The following CPXM2 variants were observed in gnomAD, a reference collection of about 807,000 sequenced individuals.
CPXM2 encodes the protein carboxypeptidase X, M14 family member 2.
CPXM2 carries 66 observed loss-of-function variants against 86.1 expected under a neutral mutation model. The ratio of observed to expected loss-of-function variants is 0.77; its 90% CI spans 0.63 to 0.94. The LOEUF (loss-of-function observed/expected upper bound fraction) is 0.94. CPXM2 is among the 40% of genes least tolerant of loss of function. CPXM2 has a pLI of 0.00. For synonymous variants in CPXM2, 388 were observed against 400.2 expected (o/e 0.97, Z 0.36); for missense variants, 948 against 1,026.3 (o/e 0.92, Z 1.04).
chr10:123,779,114 C>T (rs1237731), intron 7 of CPXM2, among the ~76,000 whole-genome samples: 6,867 of 152,292 alleles, frequency 0.045, 213 homozygotes, highest in Middle Eastern at 0.11. Context: ...TCCCTTTGAG[C>T]CATGTTAATT....
rs967775399 is a variant in CPXM2, at chr10:123,911,548, G to T, written n.174+27929C>A. Among the ~76,000 whole-genome samples the T allele has an allele frequency of 2.6e-5, 4 of 151,642 alleles. No individual in the cohort carries two copies. In the South Asian group the frequency reaches 8.4e-4, roughly 32 times the overall value. ...AAAGGCAAAACCCACCATTACTTTC[G>T]CACCAACCTAATAGCCAGGTGAAGA... On this transcript the variant is annotated intron_variant and non_coding_transcript_variant, in intron 2 of 19. Transcript: ENST00000368854.
At chr10:123,829,799 C>A (rs1447351128) in intron 4 of CPXM2, among the ~76,000 whole-genome samples, 8 of 152,108 alleles carry the variant, frequency 5.3e-5, no homozygotes, top group African/African-American at 1.7e-4. Flanking sequence ...CCATGTAGTT[C>A]TGGCAAATAA....
At chr10:123,938,378 C>G (rs1945742487) in intron 2 of CPXM2, among the ~76,000 whole-genome samples, 2 of 152,204 alleles carry the variant, frequency 1.3e-5, no homozygotes, top group African/African-American at 2.4e-5. Flanking sequence ...CGGTCTGCAG[C>G]TCAACCATGT....
chr10:123,942,725 A>G (rs1193057247), upstream of CPXM2, among the ~76,000 whole-genome samples: 2 of 152,212 alleles, frequency 1.3e-5, no homozygotes, highest in African/African-American at 2.4e-5. Flanking sequence ...GAGGGCTCTC[A>G]CTATGGAGTA....
chr10:123,814,184 G>T (rs929792626), intron 4 of CPXM2, among the ~76,000 whole-genome samples: 1 of 152,128 alleles, frequency 6.6e-6, no homozygotes, highest in Non-Finnish European at 1.5e-5. Flanking sequence ...TGTCTGTGAG[G>T]GTATTGCCAA....
chr10:123,778,294 C>A (rs986913066), intron 7 of CPXM2, among the ~76,000 whole-genome samples: 1 of 152,220 alleles, frequency 6.6e-6, no homozygotes, highest in African/African-American at 2.4e-5. Flanking sequence ...AGTAACCTAG[C>A]AGACTCCATA....
intron 2 of CPXM2, among the ~76,000 whole-genome samples, chr10:123,874,380 C>CCACACA (rs145634125): frequency 6.6e-6 from 1 of 150,758 alleles, no homozygotes; most frequent in Non-Finnish European, 1.5e-5. Context: ...CCCGCCCCAA[C>CCACACA]CACACACACA....
intron 3 of CPXM2, among the ~76,000 whole-genome samples, chr10:123,854,347 T>TATATATATATAAAAATATATATATATA (rs1564798831): frequency 2.5e-4 from 31 of 124,752 alleles, no homozygotes; most frequent in Middle Eastern, 3.8e-3. Flanking sequence ...AACAAATATA[T>TATATATATATAAAAATATATATATATA]ATATATATAT....
At chr10:123,816,287 G>A (rs1847811976) in intron 4 of CPXM2, among the ~76,000 whole-genome samples, 1 of 152,212 alleles carries the variant, frequency 6.6e-6, no homozygotes. Flanking sequence ...AATTGGCATA[G>A]ACATACTTAG....
intron 2 of CPXM2, among the ~76,000 whole-genome samples, chr10:123,934,753 G>T (rs79139301): frequency 6.6e-6 from 1 of 152,040 alleles, no homozygotes; most frequent in Non-Finnish European, 1.5e-5. Flanking sequence ...CCCACGTAGA[G>T]GGTGTGCAGG....
In CPXM2 at chr10:123,883,447, A is replaced by T. The variant is rs1449980897; in HGVS notation, c.305-3138T>A. 3.3e-5 allele frequency among the ~76,000 whole-genome samples: 5 copies of T among 152,222 alleles called. No homozygotes were observed. In the East Asian group the frequency reaches 9.6e-4, roughly 29 times the overall value. ...CTTCAGTTCCCTCATCAGTGAAAGG[A>T]GAAGGCAACAATACCTGCCACGGTG... is the stretch of plus-strand genomic sequence containing the variant. On this transcript the variant is annotated intron_variant, in intron 1 of 13. Transcript: ENST00000241305.
intron 6 of CPXM2, among the ~76,000 whole-genome samples, chr10:123,784,129 A>G (rs1846998141): frequency 6.6e-6 from 1 of 152,136 alleles, no homozygotes; most frequent in African/African-American, 2.4e-5. Context: ...TTTGAGTTCA[A>G]GTGAAGTCAT....
In CPXM2 at chr10:123,923,567, C is replaced by T. The variant is rs561385762; in HGVS notation, n.174+15910G>A. Among the ~76,000 whole-genome samples the T allele has an allele frequency of 9.4e-5, 14 of 149,310 alleles. No individual in the cohort carries two copies. In the East Asian group the frequency reaches 1.8e-3, roughly 19 times the overall value. Reference sequence around the variant, plus strand: ...CTGCACTCCAGCCTGGGCGACAGAGCGAGACTCCGTCTCAAAAAAAAAAAA... The same window carrying T: ...CTGCACTCCAGCCTGGGCGACAGAGTGAGACTCCGTCTCAAAAAAAAAAAA... On this transcript the variant is annotated intron_variant and non_coding_transcript_variant, in intron 2 of 19. Coordinates refer to the CPXM2 transcript ENST00000368854.
In CPXM2 at chr10:123,762,868, T is replaced by C. The variant is rs1846377692; in HGVS notation, c.1480-699A>G. 2.0e-5 allele frequency among the ~76,000 whole-genome samples: 3 copies of C among 152,306 alleles called. No individual in the cohort carries two copies. In the South Asian group the frequency reaches 6.2e-4, roughly 32 times the overall value. Reference sequence around the variant, plus strand: ...AATCGACAATGACAAAGAACAGATATTGGAAATCATTTCACCATGCAGTAC... The same window carrying C: ...AATCGACAATGACAAAGAACAGATACTGGAAATCATTTCACCATGCAGTAC... On this transcript the variant is annotated intron_variant, in intron 10 of 13. Transcript: ENST00000241305.
chr10:123,795,343 A>G (rs978221638), intron 6 of CPXM2, among the ~76,000 whole-genome samples: 3 of 152,082 alleles, frequency 2.0e-5, no homozygotes, highest in African/African-American at 4.8e-5. Context: ...AACATTATGC[A>G]TAGAGTCTTA....
chr10:123,783,519 C>A (rs766399524), intron 6 of CPXM2, among the ~76,000 whole-genome samples: 10 of 152,208 alleles, frequency 6.6e-5, no homozygotes, highest in Non-Finnish European at 1.3e-4. Flanking sequence ...ACAGAGCTTG[C>A]AGGAGCACAG....
chr10:123,852,721 C>A (rs190450525), intron 3 of CPXM2, among the ~76,000 whole-genome samples: 2 of 152,108 alleles, frequency 1.3e-5, no homozygotes, highest in African/African-American at 4.8e-5. Context: ...TTGGCTATAC[C>A]GAGCATGCTA....
intron 2 of CPXM2, among the ~76,000 whole-genome samples, chr10:123,879,418 C>A (rs889551527): frequency 1.3e-5 from 2 of 152,100 alleles, no homozygotes; most frequent in Admixed American, 6.6e-5. Context: ...CTGCATAACC[C>A]TTGGTAAACT....
intron 2 of CPXM2, among the ~76,000 whole-genome samples, chr10:123,919,187 T>C (rs1010430622): frequency 4.6e-5 from 7 of 152,174 alleles, no homozygotes; most frequent in Middle Eastern, 3.2e-3. Flanking sequence ...ACACAGGACA[T>C]ATCCAAATAG....
Sources: allele counts gnomAD v4.1 joint callset (sites outside exome capture counted in the v4.1 genomes callset), GRCh38; gene constraint gnomAD v4.1.1; transcripts MANE v1.5; gene names NCBI Gene and HGNC (gene_info 2026-07-23, HGNC 2026-07-21).